DDX10: variants seen among roughly 807,000 people sequenced by gnomAD.
The protein encoded by DDX10 is probable ATP-dependent RNA helicase DDX10.
DDX10 carries 74 observed loss-of-function variants against 104.3 expected under a neutral mutation model. The ratio of observed to expected loss-of-function variants is 0.71; its 90% CI spans 0.59 to 0.86. The LOEUF (loss-of-function observed/expected upper bound fraction) is 0.86, where lower values mean the gene tolerates loss of function less well. DDX10 is among the 40% of genes least tolerant of loss of function. The pLI is 0.00. For synonymous variants in DDX10, 351 were observed against 353.4 expected, an observed-to-expected ratio of 0.99 and a Z score of 0.08; for missense variants, 952 against 1,040.0, an observed-to-expected ratio of 0.92 and a Z score of 1.16.
At chr11:108,912,822 C>G (rs1863697638) in intron 16 of DDX10, among the ~76,000 whole-genome samples, 1 of 152,164 alleles carries the variant, frequency 6.6e-6, no homozygotes, top group Non-Finnish European at 1.5e-5. Context: ...CTAAGCCAGA[C>G]TAAGGCATGA....
chr11:108,727,773 C>G (rs186703987), intron 13 of DDX10: 128 of 169,770 alleles, frequency 7.5e-4, no homozygotes, highest in Admixed American at 1.2e-3. Flanking sequence ...CTTGTTTGGA[C>G]CGTTTTATAC....
intron 13 of DDX10, among the ~76,000 whole-genome samples, chr11:108,775,073 A>T (rs952242529): frequency 2.0e-5 from 3 of 152,192 alleles, no homozygotes; most frequent in African/African-American, 7.2e-5. Flanking sequence ...CGTTTTCAAA[A>T]CCTATTCAGA....
At chr11:108,683,766 T>A (rs763246458) in intron 6 of DDX10, among the ~76,000 whole-genome samples, 16 of 152,230 alleles carry the variant, frequency 1.1e-4, no homozygotes, top group Admixed American at 2.6e-4. Flanking sequence ...ATGAACTATG[T>A]GATTCTGAGG....
chr11:108,905,320 G>GGGC (rs1863580398), intron 16 of DDX10, among the ~76,000 whole-genome samples: 3 of 147,532 alleles, frequency 2.0e-5, no homozygotes, highest in African/African-American at 7.5e-5. Flanking sequence ...TAAGGGGGGG[G>GGGC]GGGGTTGAAA....
At chr11:108,737,729 G>T (rs1036095221) in intron 13 of DDX10, among the ~76,000 whole-genome samples, 1 of 152,062 alleles carries the variant, frequency 6.6e-6, no homozygotes, top group Non-Finnish European at 1.5e-5. Context: ...CTTCCTGTTG[G>T]TCTATTCTCT....
At chr11:108,667,687 C>G (rs1355235811) in intron 1 of DDX10, among the ~76,000 whole-genome samples, 8 of 152,152 alleles carry the variant, frequency 5.3e-5, no homozygotes, top group Non-Finnish European at 4.4e-5. Context: ...ATTGTACATG[C>G]TTCTTGTGCT....
At chr11:108,928,602 C>G (rs1863939193) in intron 17 of DDX10, among the ~76,000 whole-genome samples, 1 of 152,144 alleles carries the variant, frequency 6.6e-6, no homozygotes, top group Non-Finnish European at 1.5e-5. Flanking sequence ...TTTGACAGAC[C>G]TGAGTTTGAA....
At chr11:108,705,340 G>A (rs1475608356) in intron 9 of DDX10, among the ~76,000 whole-genome samples, 2 of 152,166 alleles carry the variant, frequency 1.3e-5, no homozygotes, top group Non-Finnish European at 2.9e-5. Flanking sequence ...TGCCTAGGGG[G>A]ACAGCTTTAA....
At chr11:108,768,757 C>T (rs752157973) in intron 13 of DDX10, among the ~76,000 whole-genome samples, 1 of 152,098 alleles carries the variant, frequency 6.6e-6, no homozygotes, top group African/African-American at 2.4e-5. Context: ...TTTTAAAGTA[C>T]TTCCAACATT....
chr11:108,927,025 G>A (rs1435869093), intron 17 of DDX10, among the ~76,000 whole-genome samples: 2 of 152,192 alleles, frequency 1.3e-5, no homozygotes, highest in African/African-American at 4.8e-5. Flanking sequence ...GCAGCATGTT[G>A]TAAAAGGACA....
intron 13 of DDX10, among the ~76,000 whole-genome samples, chr11:108,775,126 A>G (rs924287860): frequency 1.3e-5 from 2 of 152,232 alleles, no homozygotes; most frequent in Admixed American, 6.5e-5. Context: ...TGCCAAATGC[A>G]TCCTATTCTG....
chr11:108,687,112 C>T (rs1300167913), intron 6 of DDX10, among the ~76,000 whole-genome samples: 2 of 152,162 alleles, frequency 1.3e-5, no homozygotes, highest in East Asian at 3.9e-4. Context: ...TAAGAGACTG[C>T]TATACTGTCT....
chr11:108,666,405 G>T (rs192332894), intron 1 of DDX10, among the ~76,000 whole-genome samples: 2 of 152,242 alleles, frequency 1.3e-5, no homozygotes, highest in African/African-American at 4.8e-5. Context: ...GCTTGAACCC[G>T]GGAGGCAGAG....
intron 13 of DDX10, among the ~76,000 whole-genome samples, chr11:108,785,183 T>C (rs1007416230): frequency 6.6e-6 from 1 of 152,168 alleles, no homozygotes; most frequent in East Asian, 1.9e-4. Context: ...ATTGAAATGA[T>C]CATATGATTT....
chr11:108,773,028 A>G (rs965432237), intron 13 of DDX10, among the ~76,000 whole-genome samples: 4 of 152,206 alleles, frequency 2.6e-5, no homozygotes. Flanking sequence ...AGGGTATTTG[A>G]AGAACCTGAA....
intron 2 of DDX10, among the ~76,000 whole-genome samples, chr11:108,674,260 A>G (rs1299217140): frequency 1.3e-5 from 2 of 151,460 alleles, no homozygotes; most frequent in African/African-American, 4.9e-5. Context: ...GGTTCATGCC[A>G]CTCTACTCCA....
intron 16 of DDX10, among the ~76,000 whole-genome samples, chr11:108,861,940 T>C (rs968767951): frequency 2.0e-5 from 3 of 152,080 alleles, no homozygotes; most frequent in African/African-American, 7.2e-5. Context: ...GGCAGGAGAA[T>C]TGCTTGAACT....
At chr11:108,677,293 A>G in intron 4 of DDX10, 50 bp downstream of exon 4, 1 of 1,530,184 alleles carries the variant, frequency 6.5e-7, no homozygotes, top group Non-Finnish European at 8.9e-7. Flanking sequence ...CCTATACTGG[A>G]GTACTGTGGC....
intron 13 of DDX10, among the ~76,000 whole-genome samples, chr11:108,743,808 G>T (rs1353611394): frequency 1.3e-5 from 2 of 152,094 alleles, no homozygotes; most frequent in African/African-American, 4.8e-5. Context: ...GGAAGCAGGT[G>T]TCCCATTTTC....
Sources: gnomAD v4.1 joint callset for allele counts (sites outside exome capture counted in the v4.1 genomes callset) on GRCh38, gnomAD v4.1.1 for gene constraint, MANE v1.5 for transcripts, NCBI Gene and HGNC (gene_info 2026-07-23, HGNC 2026-07-21) for gene names.